RPTOR: variants seen among roughly 807,000 people sequenced by gnomAD.
RPTOR encodes regulatory associated protein of MTOR complex 1.
A neutral mutation model predicts 169.9 loss-of-function variants in RPTOR; 21 were observed. The ratio of observed to expected loss-of-function variants is 0.12; its 90% confidence interval spans 0.09 to 0.18. The LOEUF is 0.18. RPTOR is among the 10% of genes least tolerant of loss of function. The probability of loss-of-function intolerance (pLI) is 1.00; values close to 1 mark genes in which losing one functional copy is unlikely to be tolerated. For missense variants in RPTOR, 1,133 were observed against 1,855.9 expected (o/e 0.61, Z 7.16); for synonymous variants, 732 against 753.2 (o/e 0.97, Z 0.46).
Position 80,730,811 on chromosome 17 carries a change from GA to G in RPTOR, c.654+106del. ...GGAGGTGTTGGACATCCTCTGAATG[GA>G]GCAGGGCTCAGAATGCCAAGGGCAG... On this transcript the variant is annotated intron_variant, in intron 5 of 33. Coordinates refer to ENST00000306801, the MANE Select transcript of RPTOR (RefSeq NM_020761.3). This position sits in a 1 kb window ranked among gnomAD's most constrained non-coding sequence, Gnocchi z 4.2. 8.6e-7 allele frequency: 1 copy of G among 1,156,926 alleles called. No homozygotes were observed. Among genetic ancestry groups the G allele is most frequent in the South Asian group, 1.4e-5 (1 of 72,574 alleles). 71.7% of individuals were successfully genotyped at this position (1,156,926 alleles called of 1,614,324 possible). A position where few individuals can be genotyped will look rare whatever the true frequency, so the allele number is the denominator to read the frequency against.
chr17:80,757,221 G>A (rs1178139727), intron 6 of RPTOR, among the ~76,000 whole-genome samples: 1 of 152,164 alleles, frequency 6.6e-6, no homozygotes, highest in Non-Finnish European at 1.5e-5. Flanking sequence ...TCTCGGAAAT[G>A]CACTCCCCAA....
chr17:80,829,894 A>G (rs1390958159), intron 9 of RPTOR, among the ~76,000 whole-genome samples: 5 of 152,256 alleles, frequency 3.3e-5, no homozygotes, highest in Non-Finnish European at 7.3e-5. Context: ...AGGGAGAATC[A>G]CTTGCATTTT....
chr17:80,558,890 T>G (rs893954665), intron 1 of RPTOR, among the ~76,000 whole-genome samples: 19 of 152,120 alleles, frequency 1.2e-4, no homozygotes, highest in Admixed American at 4.6e-4. Context: ...TCTAAAGAAG[T>G]CTCTCAGTCT....
At chr17:80,650,298 T>C (rs528548395) in intron 3 of RPTOR, among the ~76,000 whole-genome samples, 64 of 152,310 alleles carry the variant, frequency 4.2e-4, no homozygotes, top group African/African-American at 1.5e-3. Context: ...AGAGCACGCG[T>C]GTTGACTAGA....
rs114722581 is a variant in RPTOR at position 80,938,002 on chromosome 17, A to G, written c.2920-2494A>G. 5.3e-3 allele frequency among the ~76,000 whole-genome samples: 812 copies of G among 152,306 alleles called. 9 individuals are homozygous for G. The highest frequency in any genetic ancestry group is 0.018 in the African/African-American group (759 of 41,574). ...CAGAAAGTCTCTTCCCAGCCCAGCAAGGGCTGTAAAGGAAGGCTGTGGGCT... is the reference window on the plus strand; with the variant it reads ...CAGAAAGTCTCTTCCCAGCCCAGCAGGGGCTGTAAAGGAAGGCTGTGGGCT... On this transcript the variant is annotated intron_variant, in intron 24 of 33. Coordinates refer to ENST00000306801, the MANE Select transcript of RPTOR (RefSeq NM_020761.3).
intron 24 of RPTOR, among the ~76,000 whole-genome samples, chr17:80,925,916 C>T (rs995382377): frequency 6.6e-6 from 1 of 152,228 alleles, no homozygotes. Context: ...CCCTAACAAG[C>T]GCCGTGTGCT....
chr17:80,714,345 A>G (rs780993103), intron 4 of RPTOR, among the ~76,000 whole-genome samples: 9 of 152,316 alleles, frequency 5.9e-5, no homozygotes, highest in East Asian at 3.9e-4. Context: ...AATATTATCA[A>G]TCACCCCGAC....
chr17:80,556,216 A>C (rs1304844276), intron 1 of RPTOR, among the ~76,000 whole-genome samples: 1 of 152,084 alleles, frequency 6.6e-6, no homozygotes, highest in Non-Finnish European at 1.5e-5. Flanking sequence ...ACAGACAATA[A>C]GATCTTTCTA....
rs370670076 is a variant in RPTOR at position 80,587,125 on chromosome 17, G to C, written c.163-38566G>C. ...TCGGGTGCAGACGGGGCGCCTCACCGGCCCGGCGCAGCCCCGCTCGCCCCT... is the reference window on the plus strand; with the variant it reads ...TCGGGTGCAGACGGGGCGCCTCACCCGCCCGGCGCAGCCCCGCTCGCCCCT... On this transcript the variant is annotated intron_variant, in intron 1 of 33. Coordinates refer to ENST00000306801, the MANE Select transcript of RPTOR (RefSeq NM_020761.3). Among the ~76,000 whole-genome samples, 20 of 151,136 alleles carry C rather than the reference G, an allele frequency of 1.3e-4. 1 individual carries two copies. The highest frequency in any genetic ancestry group is 1.2e-3 in the East Asian group (6 of 5,196).
At chr17:80,656,213 G>A (rs1192426222) in intron 3 of RPTOR, among the ~76,000 whole-genome samples, 2 of 152,158 alleles carry the variant, frequency 1.3e-5, no homozygotes, top group Non-Finnish European at 2.9e-5. Flanking sequence ...TGAGATTACA[G>A]GCATGTGCCA....
chr17:80,818,466 C>T (rs1258650403), intron 7 of RPTOR, among the ~76,000 whole-genome samples: 1 of 152,090 alleles, frequency 6.6e-6, no homozygotes, highest in Non-Finnish European at 1.5e-5. Context: ...CCGAGTTGGG[C>T]AAGACTCAGC....
chr17:80,831,908 A>G (rs542776678), intron 9 of RPTOR, among the ~76,000 whole-genome samples: 1 of 152,306 alleles, frequency 6.6e-6, no homozygotes, highest in South Asian at 2.1e-4. Context: ...GTAAAATTTA[A>G]CAAGAAGCCA....
At chr17:80,743,207 G>A (rs932796743) in intron 5 of RPTOR, 2 of 981,958 alleles carry the variant, frequency 2.0e-6, no homozygotes, top group Non-Finnish European at 2.4e-6. Context: ...AATTAGCCAA[G>A]GCTCTCTCTC....
rs550934593 is a variant in RPTOR at position 80,837,530 on chromosome 17, G to T, written c.1137-392G>T. Among the ~76,000 whole-genome samples the T allele has an allele frequency of 3.9e-5, 6 of 152,226 alleles. No homozygotes were observed. The South Asian group carries it at 1.0e-3, about 26-fold the overall frequency. ...AGGACGCTGCCCCATCAGAGCCTGC[G>T]CAGGGACCACAGCTGCTTAGAACAC... On this transcript the variant is annotated intron_variant, in intron 9 of 33. Coordinates refer to ENST00000306801, the MANE Select transcript of RPTOR (RefSeq NM_020761.3).
At chr17:80,655,432 T>G (rs1043609818) in intron 3 of RPTOR, among the ~76,000 whole-genome samples, 1 of 146,780 alleles carries the variant, frequency 6.8e-6, no homozygotes, top group Admixed American at 6.8e-5. Context: ...TTTAGAGGGG[T>G]CTTGCTTTGT....
intron 13 of RPTOR, among the ~76,000 whole-genome samples, chr17:80,877,824 G>A (rs1348910789): frequency 9.2e-5 from 14 of 152,184 alleles, no homozygotes; most frequent in Non-Finnish European, 5.9e-5. Context: ...TGCAATCTGA[G>A]GCCGGCGCCT....
intron 3 of RPTOR, among the ~76,000 whole-genome samples, chr17:80,674,181 A>G (rs2065843378): frequency 6.6e-6 from 1 of 152,208 alleles, no homozygotes; most frequent in South Asian, 2.1e-4. Context: ...TTTCAAACTA[A>G]TATCTTATCC....
At chr17:80,743,471 C>T (rs1481516108) in intron 5 of RPTOR, 1 of 984,592 alleles carries the variant, frequency 1.0e-6, no homozygotes, top group Non-Finnish European at 1.2e-6. Context: ...AACACGTGAC[C>T]CACTTGTGTG....
chr17:80,892,035 C>G (rs1269108747), intron 18 of RPTOR, among the ~76,000 whole-genome samples, 198 bp downstream of exon 18: 1 of 152,212 alleles, frequency 6.6e-6, no homozygotes, highest in Non-Finnish European at 1.5e-5. Context: ...CACTGACCCT[C>G]TTACATTTTT....
Sources: allele counts gnomAD v4.1 joint callset (sites outside exome capture counted in the v4.1 genomes callset), GRCh38; gene constraint gnomAD v4.1.1; non-coding constraint Gnocchi (gnomAD v3.1); transcripts MANE v1.5; gene names NCBI Gene and HGNC (gene_info 2026-07-23, HGNC 2026-07-21).